Variants in CLEC12A observed in about 807,000 individuals in gnomAD.
CLEC12A encodes C-type lectin protein CLL-1.
A neutral mutation model predicts 26.5 loss-of-function variants in CLEC12A; 22 were observed. The ratio of observed to expected loss-of-function variants is 0.83; its 90% confidence interval spans 0.59 to 1.19. CLEC12A has a LOEUF of 1.19. Among genes scored for constraint, CLEC12A ranks in the 50% most tolerant of loss-of-function variants. The pLI, the probability that CLEC12A is intolerant of heterozygous loss-of-function variation, is 0.00. For synonymous variants in CLEC12A, 119 were observed against 101.9 expected (o/e 1.17, Z -1.01); for missense variants, 353 against 315.6 (o/e 1.12, Z -0.90).
chr12:9,998,183 A>C, downstream of CLEC12A: 1 of 892,284 alleles, frequency 1.1e-6, no homozygotes, highest in Non-Finnish European at 1.9e-6. Context: ...AGAAGTGATA[A>C]ACAGACAAAT....
At chr12:9,991,880 T>C (rs1864901948) in intron 4 of CLEC12A, 1 of 152,120 alleles carries the variant, frequency 6.6e-6, no homozygotes, top group African/African-American at 2.4e-5. Flanking sequence ...TCTAAAGTAG[T>C]GATATTTCTC....
chr12:9,996,451 G>A, downstream of CLEC12A, among the ~76,000 whole-genome samples: 1 of 152,134 alleles, frequency 6.6e-6, no homozygotes, highest in East Asian at 1.9e-4. Context: ...TATTTTGCTG[G>A]AGTGGAAAGA....
chr12:9,973,834 C>G (rs866698776), intron 1 of CLEC12A, among the ~76,000 whole-genome samples: 1 of 150,146 alleles, frequency 6.7e-6, no homozygotes, highest in Non-Finnish European at 1.5e-5. Flanking sequence ...TGTCATTATT[C>G]TCTCTTCCTT....
chr12:9,978,393 T>C (rs980283187), intron 1 of CLEC12A, among the ~76,000 whole-genome samples: 1 of 136,230 alleles, frequency 7.3e-6, no homozygotes, highest in African/African-American at 2.8e-5. Context: ...AAAATTGCAA[T>C]AAAAATGGTG....
At chr12:9,957,039 G>A (rs992063413) in intron 1 of CLEC12A, among the ~76,000 whole-genome samples, 1 of 152,178 alleles carries the variant, frequency 6.6e-6, no homozygotes, top group African/African-American at 2.4e-5. Context: ...AAACCAAAAT[G>A]TATCTGAGGT....
At chr12:9,986,656 C>G (rs1346676922), downstream of CLEC12A, among the ~76,000 whole-genome samples, 1 of 152,008 alleles carries the variant, frequency 6.6e-6, no homozygotes, top group African/African-American at 2.4e-5. Flanking sequence ...ACTAAAAATA[C>G]AAAAATCAGC....
Position 9,971,546 on chromosome 12 carries a change from T to A in CLEC12A, c.-51T>A, listed in dbSNP as rs1437225168. The A allele has an allele frequency of 6.3e-7, 1 of 1,581,708 alleles. No individual in the cohort carries two copies. The highest frequency in any genetic ancestry group is 8.6e-7 in the Non-Finnish European group (1 of 1,166,274). On this transcript the variant is annotated 5_prime_UTR_variant, in exon 1 of 6. Coordinates refer to ENST00000304361, the MANE Select transcript of CLEC12A (RefSeq NM_138337.6). ...TTAACATTCAGCTCTGTTAACTCAC[T>A]CATCTTTTTGTGTTTTTACACTTTG... is the stretch of plus-strand genomic sequence containing the variant.
chr12:9,967,055 GCC>G, upstream of CLEC12A, among the ~76,000 whole-genome samples: 1 of 147,032 alleles, frequency 6.8e-6, no homozygotes. Context: ...TGTAAGCTGG[GCC>G]AGGTGTGAGG....
downstream of CLEC12A, among the ~76,000 whole-genome samples, chr12:9,999,570 T>C (rs2137248284): frequency 6.6e-6 from 1 of 152,312 alleles, no homozygotes; most frequent in South Asian, 2.1e-4. Context: ...TGTAATATAA[T>C]TGGATCTGAT....
chr12:9,965,145 C>T (rs977823970), intron 1 of CLEC12A, among the ~76,000 whole-genome samples: 17 of 152,094 alleles, frequency 1.1e-4, no homozygotes, highest in East Asian at 1.9e-4. Context: ...ATTAAAGCAG[C>T]GGCAGCCACT....
rs555590156 is a variant in CLEC12A at position 9,963,633 on chromosome 12, C to A, written c.11-7944C>A. ...GAGGGGAACAGGGAGCTCTTCGGTC[C>A]TATTTGCAAATTGAATTTTAGGAGT... On this transcript the variant is annotated intron_variant, in intron 1 of 6. Coordinates refer to the CLEC12A transcript ENST00000355690. Among the ~76,000 whole-genome samples, 23 of 152,186 alleles carry A rather than the reference C, an allele frequency of 1.5e-4. No homozygotes were observed. The South Asian group carries it at 1.9e-3, about 12-fold the overall frequency.
At chr12:9,978,730 A>G (rs1864435915) in intron 1 of CLEC12A, among the ~76,000 whole-genome samples, 1 of 152,190 alleles carries the variant, frequency 6.6e-6, no homozygotes, top group African/African-American at 2.4e-5. Flanking sequence ...TCTACCAGTT[A>G]ACAGCTTCTC....
downstream of CLEC12A, chr12:9,985,932 C>A (rs533799290): frequency 3.5e-4 from 58 of 164,954 alleles, no homozygotes; most frequent in African/African-American, 1.3e-3. Context: ...TGTAACCCCT[C>A]CTTGATTTGG....
At chr12:9,959,893 T>A (rs556681223) in intron 1 of CLEC12A, among the ~76,000 whole-genome samples, 1 of 152,318 alleles carries the variant, frequency 6.6e-6, no homozygotes, top group Admixed American at 6.5e-5. Context: ...TGAGGATTTT[T>A]TCCTCCCCTG....
intron 4 of CLEC12A, 34 bp downstream of exon 4, chr12:9,980,767 G>C (rs1256197922): frequency 6.2e-7 from 1 of 1,607,062 alleles, no homozygotes; most frequent in Non-Finnish European, 8.5e-7. Flanking sequence ...TCATGGGATA[G>C]AGAGGGGTGT....
intron 1 of CLEC12A, among the ~76,000 whole-genome samples, chr12:9,960,675 T>C (rs1238567782): frequency 2.0e-5 from 3 of 152,208 alleles, no homozygotes; most frequent in Admixed American, 6.5e-5. Context: ...CGTTATCTTA[T>C]AGAACTAATA....
chr12:9,997,990 G>A (rs184872031), downstream of CLEC12A, among the ~76,000 whole-genome samples: 12 of 152,214 alleles, frequency 7.9e-5, no homozygotes, highest in East Asian at 2.3e-3. Context: ...GATAGGAAAA[G>A]GGATGAAAAA....
chr12:9,992,384 T>C (rs1486197774), intron 4 of CLEC12A: 4 of 152,086 alleles, frequency 2.6e-5, no homozygotes, highest in African/African-American at 4.8e-5. Context: ...AGTAATTCTA[T>C]TTGCGTAATG....
chr12:10,002,280 C>G, the CLEC12A span, among the ~76,000 whole-genome samples: 1 of 152,100 alleles, frequency 6.6e-6, no homozygotes, highest in Non-Finnish European at 1.5e-5. Flanking sequence ...TCTAAATTGT[C>G]TGTTTTAAAG....
Sources: gnomAD v4.1 joint callset for allele counts (sites outside exome capture counted in the v4.1 genomes callset) on GRCh38, gnomAD v4.1.1 for gene constraint, MANE v1.5 for transcripts, NCBI Gene and HGNC (gene_info 2026-07-23, HGNC 2026-07-21) for gene names.